The following SLC9A9 variants were observed in gnomAD, a reference collection of about 807,000 sequenced individuals.
SLC9A9 encodes solute carrier family 9 member A9, also known as sodium/hydrogen exchanger 9.
A neutral mutation model predicts 77.8 loss-of-function variants in SLC9A9; 62 were observed. That is an observed-to-expected ratio of 0.80 (90% CI 0.65 to 0.98). The LOEUF is 0.98. SLC9A9 is among the 50% of genes least tolerant of loss of function. SLC9A9 has a pLI of 0.00. For missense variants in SLC9A9, 775 were observed against 774.9 expected (o/e 1.00, Z 0.00); for synonymous variants, 320 against 283.5 (o/e 1.13, Z -1.29).
Position 143,742,794 on chromosome 3 carries a change from T to C in SLC9A9, c.534-49487A>G, listed in dbSNP as rs74624436. Among the ~76,000 whole-genome samples, 733 of 152,282 alleles carry C rather than the reference T, an allele frequency of 4.8e-3. 10 individuals carry two copies. Among genetic ancestry groups the C allele is most frequent in the African/African-American group, 0.017 (699 of 41,570 alleles). ...ACAAATGTACAAAATTAGTGTAAGA[T>C]GTTAATAATCAGTGAAGCTGTGGGG... On this transcript the variant is annotated intron_variant, in intron 4 of 15. Transcript: ENST00000316549.
At chr3:143,291,173 T>C (rs2029935800) in intron 14 of SLC9A9, among the ~76,000 whole-genome samples, 1 of 152,160 alleles carries the variant, frequency 6.6e-6, no homozygotes, top group East Asian at 1.9e-4. Context: ...ATAAAGCTCA[T>C]CCTTCACATG....
chr3:143,838,658 A>T (rs530715318), intron 1 of SLC9A9, among the ~76,000 whole-genome samples: 10 of 152,344 alleles, frequency 6.6e-5, no homozygotes, highest in African/African-American at 2.2e-4. Context: ...GATGAAAGGA[A>T]TAACGTTCAA....
Position 143,265,536 on chromosome 3 carries a change from C to A in SLC9A9, c.*1166G>T, listed in dbSNP as rs768738300. Reference sequence around the variant, plus strand: ...ACTCATCATAGCCTGGGCACCTAGGCCTGGAGCCTATTTTTTCGAGTCTAA... The same window carrying A: ...ACTCATCATAGCCTGGGCACCTAGGACTGGAGCCTATTTTTTCGAGTCTAA... On this transcript the variant is annotated 3_prime_UTR_variant, in exon 16 of 16. Transcript: ENST00000316549. 9.9e-6 allele frequency: 2 copies of A among 202,118 alleles called. No homozygotes were observed. Among genetic ancestry groups the A allele is most frequent in the African/African-American group, 2.3e-5 (1 of 43,412 alleles). 12.5% of individuals were successfully genotyped at this position (202,118 alleles called of 1,614,324 possible).
chr3:143,658,186 A>G (rs1173505668), intron 5 of SLC9A9, among the ~76,000 whole-genome samples: 2 of 152,216 alleles, frequency 1.3e-5, no homozygotes, highest in Non-Finnish European at 2.9e-5. Flanking sequence ...AAATATTGAT[A>G]GATACACCTC....
chr3:143,317,285 G>A (rs1425914506), intron 14 of SLC9A9, among the ~76,000 whole-genome samples: 3 of 151,984 alleles, frequency 2.0e-5, no homozygotes, highest in African/African-American at 7.2e-5. Context: ...GGTCACTATG[G>A]CCAGGGCAGC....
At chr3:143,746,392 A>T (rs867760733) in intron 4 of SLC9A9, among the ~76,000 whole-genome samples, 2 of 152,218 alleles carry the variant, frequency 1.3e-5, no homozygotes, top group Non-Finnish European at 2.9e-5. Context: ...GAACATTTCA[A>T]TCATAACCCT....
chr3:143,680,172 A>AATCT (rs1272207461), intron 5 of SLC9A9, among the ~76,000 whole-genome samples: 1 of 152,158 alleles, frequency 6.6e-6, no homozygotes, highest in Non-Finnish European at 1.5e-5. Context: ...AATAACTTTG[A>AATCT]ATCTATACTT....
chr3:143,442,733 A>C (rs2034768231), intron 12 of SLC9A9, among the ~76,000 whole-genome samples: 1 of 152,238 alleles, frequency 6.6e-6, no homozygotes, highest in Non-Finnish European at 1.5e-5. Context: ...TCAATAAATA[A>C]ATAAATAAAC....
chr3:143,343,135 G>T (rs1211452024), intron 14 of SLC9A9, among the ~76,000 whole-genome samples: 1 of 152,198 alleles, frequency 6.6e-6, no homozygotes, highest in East Asian at 1.9e-4. Flanking sequence ...CAGAGGAGGA[G>T]ATAATGGTTT....
At chr3:143,541,602 T>A (rs1360708932) in intron 9 of SLC9A9, among the ~76,000 whole-genome samples, 1 of 152,240 alleles carries the variant, frequency 6.6e-6, no homozygotes, top group Non-Finnish European at 1.5e-5. Flanking sequence ...AGGTGCTGTG[T>A]ATTTTTAATT....
At chr3:143,707,013 T>C (rs906621079) in intron 4 of SLC9A9, among the ~76,000 whole-genome samples, 1 of 152,106 alleles carries the variant, frequency 6.6e-6, no homozygotes, top group African/African-American at 2.4e-5. Context: ...AGTAGGAAGA[T>C]GGAGAGCAAT....
rs368711550 is a variant in SLC9A9 at position 143,363,480 on chromosome 3, A to G, written c.1604+4T>C. Reference sequence around the variant, plus strand: ...TCTGTGAGATCGTTATTATCAAAGGATACTTGTGGTCAAAGCTATACCACA... The same window carrying G: ...TCTGTGAGATCGTTATTATCAAAGGGTACTTGTGGTCAAAGCTATACCACA... On this transcript the variant is annotated splice_donor_region_variant and intron_variant, in intron 14 of 15. Transcript: ENST00000316549. 57 of 1,611,800 alleles carry G rather than the reference A, an allele frequency of 3.5e-5. No individual in the cohort carries two copies. In the African/African-American group the frequency reaches 7.1e-4, roughly 20 times the overall value.
intron 14 of SLC9A9, among the ~76,000 whole-genome samples, chr3:143,272,535 C>A (rs1287343402): frequency 6.6e-6 from 1 of 152,202 alleles, no homozygotes; most frequent in African/African-American, 2.4e-5. Flanking sequence ...TACGAAGACA[C>A]TGAGTAACGG....
intron 4 of SLC9A9, among the ~76,000 whole-genome samples, chr3:143,694,396 A>C (rs1933567237): frequency 6.6e-6 from 1 of 152,176 alleles, no homozygotes; most frequent in African/African-American, 2.4e-5. Context: ...AGGTAGGGAT[A>C]ACAGTAATAG....
At chr3:143,797,649 C>G (rs1337757921) in intron 2 of SLC9A9, among the ~76,000 whole-genome samples, 1 of 152,058 alleles carries the variant, frequency 6.6e-6, no homozygotes, top group East Asian at 1.9e-4. Context: ...TGAAAATGGC[C>G]TGTTCCTGCC....
In SLC9A9 at chr3:143,726,216, C is replaced by A. The variant is rs1042790239; in HGVS notation, c.534-32909G>T. On this transcript the variant is annotated intron_variant, in intron 4 of 15. Transcript: ENST00000316549. ...AAACCTGCACATCCTGCACATGCACCCCTGAACTTAAAATAAAAGTTGGAA... is the reference window on the plus strand; with the variant it reads ...AAACCTGCACATCCTGCACATGCACACCTGAACTTAAAATAAAAGTTGGAA... Among the ~76,000 whole-genome samples the A allele has an allele frequency of 9.2e-3, 139 of 15,114 alleles. 1 individual carries two copies. Among genetic ancestry groups the A allele is most frequent in the South Asian group, 0.076 (5 of 66 alleles). 9.9% of individuals were successfully genotyped at this position (15,114 alleles called of 152,430 possible).
chr3:143,714,721 G>T (rs1320218596), intron 4 of SLC9A9, among the ~76,000 whole-genome samples: 1 of 152,152 alleles, frequency 6.6e-6, no homozygotes, highest in Admixed American at 6.5e-5. Flanking sequence ...ATCTATATGG[G>T]CTCCATCAGT....
intron 4 of SLC9A9, among the ~76,000 whole-genome samples, chr3:143,765,418 C>A (rs1457954593): frequency 6.6e-6 from 1 of 152,120 alleles, no homozygotes; most frequent in Non-Finnish European, 1.5e-5. Context: ...AAGATGGGGA[C>A]CATTTCGAGT....
At chr3:143,316,618 TG>T (rs1443666341) in intron 14 of SLC9A9, among the ~76,000 whole-genome samples, 2 of 152,172 alleles carry the variant, frequency 1.3e-5, no homozygotes, top group South Asian at 4.1e-4. Context: ...GATACCTTCT[TG>T]GCCCCATATC....
Sources: gnomAD v4.1 joint callset for allele counts (sites outside exome capture counted in the v4.1 genomes callset) on GRCh38, gnomAD v4.1.1 for gene constraint, MANE v1.5 for transcripts, NCBI Gene and HGNC (gene_info 2026-07-23, HGNC 2026-07-21) for gene names.